SREBF2: variants seen among roughly 807,000 people sequenced by gnomAD.
SREBF2 encodes the protein sterol regulatory element binding transcription factor 2.
In SREBF2, 55 loss-of-function variants were observed where a neutral mutation model predicts 113.1. That is an observed-to-expected ratio of 0.49 (90% CI 0.39 to 0.61). The LOEUF (loss-of-function observed/expected upper bound fraction) is 0.61, where lower values mean the gene tolerates loss of function less well. SREBF2 is among the 20% of genes least tolerant of loss of function. The pLI is 0.00. For missense variants in SREBF2, 1,349 were observed against 1,487.4 expected, an observed-to-expected ratio of 0.91 and a Z score of 1.53; for synonymous variants, 593 against 605.7, an observed-to-expected ratio of 0.98 and a Z score of 0.31.
Position 41,877,370 on chromosome 22 carries a change from G to A in SREBF2, c.1528G>A (p.Asp510Asn). The A allele has an allele frequency of 6.2e-7, 1 of 1,614,108 alleles. No individual in the cohort carries two copies. Among genetic ancestry groups the A allele is most frequent in the Non-Finnish European group, 8.5e-7 (1 of 1,180,004 alleles). Reference protein sequence around the residue: ...LLQWGGAHDSDQHPHSGSGRS... With the variant: ...LLQWGGAHDSNQHPHSGSGRS... ...GCAGTGGGGAGGGGCCCACGACTCTGACCAGCACCCACACTCAGGCTCTGG... is the reference window on the plus strand; with the variant it reads ...GCAGTGGGGAGGGGCCCACGACTCTAACCAGCACCCACACTCAGGCTCTGG... Residue 510 changes from aspartate to asparagine, a missense_variant, in exon 8 of 19, where the codon GAC becomes AAC. Transcript: ENST00000361204.
chr22:41,896,726 G>T (rs907485181), intron 13 of SREBF2, among the ~76,000 whole-genome samples: 3 of 152,218 alleles, frequency 2.0e-5, no homozygotes, highest in Non-Finnish European at 4.4e-5. Context: ...GGAGGGGGCA[G>T]TTCTGCCTGG....
intron 8 of SREBF2, 75 bp from the exon 9 acceptor site, chr22:41,877,867 T>G: frequency 6.8e-7 from 1 of 1,474,022 alleles, no homozygotes; most frequent in Non-Finnish European, 9.5e-7. Flanking sequence ...CCTGTGATAG[T>G]GCTGGGGTCT....
At chr22:41,857,922 C>G (rs1424495249) in intron 1 of SREBF2, among the ~76,000 whole-genome samples, 1 of 152,180 alleles carries the variant, frequency 6.6e-6, no homozygotes, top group Non-Finnish European at 1.5e-5. Context: ...AGCTGCTCCT[C>G]TGGGTGACTA....
intron 1 of SREBF2, among the ~76,000 whole-genome samples, chr22:41,848,778 C>G (rs2076901422): frequency 6.6e-6 from 1 of 152,176 alleles, no homozygotes; most frequent in East Asian, 1.9e-4. Context: ...CCTCTTTGGA[C>G]TTGGACTTTT....
At chr22:41,844,403 G>T (rs2076858915) in intron 1 of SREBF2, among the ~76,000 whole-genome samples, 1 of 152,186 alleles carries the variant, frequency 6.6e-6, no homozygotes, top group African/African-American at 2.4e-5. Context: ...TTTTGTAGGT[G>T]TGGTAGTGGG....
intron 1 of SREBF2, among the ~76,000 whole-genome samples, chr22:41,863,732 T>C (rs1336737797): frequency 6.6e-6 from 1 of 152,164 alleles, no homozygotes; most frequent in Non-Finnish European, 1.5e-5. Context: ...GAATGTAGTC[T>C]GGTGAGATGC....
At chr22:41,897,425 C>T (rs1227395404) in intron 14 of SREBF2, among the ~76,000 whole-genome samples, 1 of 152,200 alleles carries the variant, frequency 6.6e-6, no homozygotes, top group East Asian at 1.9e-4. Flanking sequence ...GAGGACCCTT[C>T]TTAATGCCCA....
intron 2 of SREBF2, 119 bp downstream of exon 2, chr22:41,867,399 T>A: frequency 5.4e-6 from 6 of 1,117,796 alleles, no homozygotes; most frequent in Non-Finnish European, 8.0e-6. Context: ...TATGGTCCTG[T>A]CTGAATGAGG....
intron 1 of SREBF2, among the ~76,000 whole-genome samples, chr22:41,859,969 C>T (rs1412981879): frequency 6.6e-6 from 1 of 151,596 alleles, no homozygotes; most frequent in Non-Finnish European, 1.5e-5. Context: ...CCACGCCCAG[C>T]TAATTTTTTA....
chr22:41,899,334 T>A (rs2077444235), intron 15 of SREBF2: 1 of 1,020,380 alleles, frequency 9.8e-7, no homozygotes, highest in Non-Finnish European at 1.2e-6. Context: ...CATTCCTCTT[T>A]GGAGATTCAT....
At chr22:41,848,298 A>G (rs2076896842) in intron 1 of SREBF2, among the ~76,000 whole-genome samples, 1 of 152,062 alleles carries the variant, frequency 6.6e-6, no homozygotes, top group African/African-American at 2.4e-5. Flanking sequence ...CGTGTTAGCC[A>G]GGATGATCTC....
chr22:41,852,177 G>A (rs73430924), intron 1 of SREBF2, among the ~76,000 whole-genome samples: 12,114 of 150,702 alleles, frequency 0.08, 1,311 homozygotes, highest in African/African-American at 0.25. Context: ...GAGTGAAGGA[G>A]GGAGGGAGGC....
At chr22:41,852,858 T>A (rs5758492) in intron 1 of SREBF2, among the ~76,000 whole-genome samples, 1 of 150,550 alleles carries the variant, frequency 6.6e-6, no homozygotes, top group African/African-American at 2.4e-5. Flanking sequence ...TGGGTTCAGG[T>A]GATTCTTCTG....
chr22:41,890,175 A>G (rs2077345401), intron 11 of SREBF2, among the ~76,000 whole-genome samples: 1 of 152,164 alleles, frequency 6.6e-6, no homozygotes, highest in Non-Finnish European at 1.5e-5. Context: ...TTACCAATAC[A>G]TGAACCTGTC....
intron 5 of SREBF2, 113 bp from the exon 6 acceptor site, chr22:41,875,224 C>T (rs1440411502): frequency 1.2e-6 from 1 of 835,574 alleles, no homozygotes; most frequent in African/African-American, 1.7e-5. Context: ...AGCATCTGAA[C>T]TTGGTTTCTC....
chr22:41,905,654 C>T lies in SREBF2; in HGVS notation c.3420C>T (p.Ala1140=). ...TGGGTGGTGGCACTGCCATTGCCGCCTCCTGACCACCAGGCTCAGCCCACC... is the reference window on the plus strand; with the variant it reads ...TGGGTGGTGGCACTGCCATTGCCGCTTCCTGACCACCAGGCTCAGCCCACC... The part of the protein sequence containing the change: ...VKLGGGTAIA[A]S The change falls in exon 19 of 19, where the codon GCC becomes GCT. Residue 1140 remains alanine, a synonymous_variant. Coordinates refer to ENST00000361204, the MANE Select transcript of SREBF2 (RefSeq NM_004599.4). 2 of 1,579,578 alleles carry T rather than the reference C, an allele frequency of 1.3e-6. No individual in the cohort carries two copies. The highest frequency in any genetic ancestry group is 1.7e-6 in the Non-Finnish European group (2 of 1,163,458).
intron 1 of SREBF2, among the ~76,000 whole-genome samples, chr22:41,863,997 G>A (rs1221709420): frequency 6.6e-6 from 1 of 151,004 alleles, no homozygotes; most frequent in Non-Finnish European, 1.5e-5. Flanking sequence ...CGATTCTCCT[G>A]CCTCAGCCTC....
At chr22:41,877,062 A>G (rs2077203071) in intron 7 of SREBF2, among the ~76,000 whole-genome samples, 167 bp from the exon 8 acceptor site, 1 of 152,240 alleles carries the variant, frequency 6.6e-6, no homozygotes, top group Non-Finnish European at 1.5e-5. Context: ...ATGTTTGAGC[A>G]GCAGTTAGTG....
intron 1 of SREBF2, among the ~76,000 whole-genome samples, chr22:41,834,225 T>G (rs190114546): frequency 1.9e-4 from 29 of 152,280 alleles, no homozygotes; most frequent in African/African-American, 6.5e-4. Context: ...CCAGTATTGG[T>G]TTTTTTATAC....
Sources: gnomAD v4.1 joint callset for allele counts (sites outside exome capture counted in the v4.1 genomes callset) on GRCh38, gnomAD v4.1.1 for gene constraint, MANE v1.5 for transcripts, NCBI Gene and HGNC (gene_info 2026-07-23, HGNC 2026-07-21) for gene names.